The following IRAK3 variants were observed in gnomAD, a reference collection of about 807,000 sequenced individuals.
IRAK3 encodes the protein interleukin 1 receptor associated kinase 3.
A neutral mutation model predicts 56.6 loss-of-function variants in IRAK3; 57 were observed. That is an observed-to-expected ratio of 1.01 (90% confidence interval 0.81 to 1.26). IRAK3 has a LOEUF of 1.26. IRAK3 is among the 50% of genes most tolerant of loss of function. IRAK3 has a pLI of 0.00. For missense variants in IRAK3, 703 were observed against 719.0 expected, an observed-to-expected ratio of 0.98 and a Z score of 0.25; for synonymous variants, 258 against 255.7, an observed-to-expected ratio of 1.01 and a Z score of -0.09.
intron 8 of IRAK3, among the ~76,000 whole-genome samples, chr12:66,230,164 T>A (rs1203145824): frequency 1.3e-5 from 2 of 152,040 alleles, no homozygotes. Context: ...GCAAGGTGAT[T>A]TGGATGTGCC....
chr12:66,227,777 A>G (rs1408298667), intron 7 of IRAK3, among the ~76,000 whole-genome samples: 37 of 150,914 alleles, frequency 2.5e-4, no homozygotes, highest in African/African-American at 6.3e-4. Context: ...AAAAAAAAAA[A>G]AGAGAGAGAG....
At chr12:66,210,478 G>A (rs2052601035) in intron 4 of IRAK3, among the ~76,000 whole-genome samples, 1 of 152,084 alleles carries the variant, frequency 6.6e-6, no homozygotes, top group East Asian at 1.9e-4. Context: ...AATTTGCTAT[G>A]TTTGTGTGTC....
chr12:66,199,776 T>TA (rs35328827), intron 1 of IRAK3, among the ~76,000 whole-genome samples: 21,901 of 152,168 alleles, frequency 0.14, 2,352 homozygotes, highest in East Asian at 0.42. Context: ...AAAGTGTTTA[T>TA]AAAAAATGTG....
intron 1 of IRAK3, among the ~76,000 whole-genome samples, chr12:66,196,468 T>A (rs2052454327): frequency 6.6e-6 from 1 of 152,148 alleles, no homozygotes. Context: ...CACCTGGGAA[T>A]GAAATTACAT....
intron 2 of IRAK3, among the ~76,000 whole-genome samples, chr12:66,207,048 T>C (rs892448926): frequency 6.6e-6 from 1 of 152,246 alleles, no homozygotes; most frequent in African/African-American, 2.4e-5. Flanking sequence ...TCAGTATTGA[T>C]GTCCCCCCTT....
chr12:66,233,845 A>T (rs1318955492), intron 8 of IRAK3, among the ~76,000 whole-genome samples: 2 of 142,866 alleles, frequency 1.4e-5, no homozygotes, highest in African/African-American at 2.7e-5. Context: ...TGTTTTACTA[A>T]AATAAACCTG....
chr12:66,201,109 G>A (rs559485594), intron 1 of IRAK3, among the ~76,000 whole-genome samples: 4 of 152,158 alleles, frequency 2.6e-5, no homozygotes, highest in Admixed American at 1.3e-4. Flanking sequence ...GAGCCACCAC[G>A]CCTGGACCCA....
rs1182461119 is a variant in IRAK3, at chr12:66,252,863, C to G, written c.*4692C>G. ...TTGTGGCTGGCAATTGTGACAGATT[C>G]TATTCTTCTATTGGTATGTGGTTTC... On this transcript the variant is annotated 3_prime_UTR_variant, in exon 12 of 12. Transcript: ENST00000261233. 6.6e-6 allele frequency: 1 copy of G among 152,194 alleles called. No individual in the cohort carries two copies. Among genetic ancestry groups the G allele is most frequent in the African/African-American group, 2.4e-5 (1 of 41,410 alleles). The allele number at this position is 152,194 out of a possible 1,614,324, so 9.4% of individuals were successfully genotyped here.
rs993217262 is a variant in IRAK3, at chr12:66,211,495, T to C, written c.486T>C (p.Thr162=). Residue 162 remains threonine (T), a synonymous_variant, in exon 5 of 12, where the codon ACT becomes ACC. Coordinates refer to ENST00000261233, the MANE Select transcript of IRAK3 (RefSeq NM_007199.3). Reference sequence around the variant, plus strand: ...GCTTTCAAAATATCATAGAAGGAACTAGAAATTTCCACAAAGACTTCCTAA... The same window carrying C: ...GCTTTCAAAATATCATAGAAGGAACCAGAAATTTCCACAAAGACTTCCTAA... ...SISFQNIIEG[T]RNFHKDFLIG... 2.5e-6 allele frequency: 4 copies of C among 1,605,262 alleles called. No individual in the cohort carries two copies. Among genetic ancestry groups the C allele is most frequent in the Non-Finnish European group, 2.6e-6 (3 of 1,171,786 alleles).
intron 1 of IRAK3, among the ~76,000 whole-genome samples, chr12:66,191,040 T>C (rs1343001140): frequency 6.6e-6 from 1 of 152,172 alleles, no homozygotes; most frequent in Non-Finnish European, 1.5e-5. Context: ...AAAGCTATTT[T>C]TTTCAAAGCA....
intron 2 of IRAK3, among the ~76,000 whole-genome samples, chr12:66,205,541 G>A (rs928287241): frequency 3.9e-5 from 6 of 152,120 alleles, no homozygotes; most frequent in African/African-American, 1.4e-4. Flanking sequence ...ATGATTTGTT[G>A]GAAGCATAAG....
At chr12:66,226,189 T>A (rs1370818156) in intron 6 of IRAK3, among the ~76,000 whole-genome samples, 1 of 152,208 alleles carries the variant, frequency 6.6e-6, no homozygotes, top group East Asian at 1.9e-4. Flanking sequence ...GTTTTATTTA[T>A]ATTTACATGA....
At chr12:66,207,260 G>A (rs1039859859) in intron 2 of IRAK3, among the ~76,000 whole-genome samples, 2 of 152,120 alleles carry the variant, frequency 1.3e-5, no homozygotes, top group Non-Finnish European at 1.5e-5. Flanking sequence ...TGCCTGAGCT[G>A]AGGAGTTCGA....
At chr12:66,246,011 C>T (rs1044346436) in intron 11 of IRAK3, among the ~76,000 whole-genome samples, 3 of 152,062 alleles carry the variant, frequency 2.0e-5, no homozygotes, top group African/African-American at 7.2e-5. Flanking sequence ...TGACTACCCT[C>T]AAGCTCACTG....
intron 6 of IRAK3, among the ~76,000 whole-genome samples, chr12:66,220,439 T>A (rs1413794940): frequency 2.6e-5 from 4 of 151,780 alleles, no homozygotes; most frequent in African/African-American, 7.3e-5. Flanking sequence ...GCCGGTGCCA[T>A]ACTGTTTTTA....
At chr12:66,198,559 C>T (rs981920205) in intron 1 of IRAK3, among the ~76,000 whole-genome samples, 1 of 152,176 alleles carries the variant, frequency 6.6e-6, no homozygotes, top group African/African-American at 2.4e-5. Flanking sequence ...AAAGCATTTT[C>T]TCCCTTCAGT....
At chr12:66,234,716 T>A in intron 8 of IRAK3, 1 of 1,602,476 alleles carries the variant, frequency 6.2e-7, no homozygotes, top group Non-Finnish European at 8.5e-7. Flanking sequence ...AGCTTCACAT[T>A]TTTCTGTTGA....
intron 7 of IRAK3, among the ~76,000 whole-genome samples, 194 bp downstream of exon 7, chr12:66,227,031 C>T (rs1454580215): frequency 1.3e-5 from 2 of 152,138 alleles, no homozygotes; most frequent in East Asian, 1.9e-4. Flanking sequence ...CCTGAGTTAA[C>T]GTGTTCTGTG....
rs371088611 is a variant in IRAK3, at chr12:66,252,688, G to A, written c.*4517G>A. The stretch of plus-strand genomic sequence containing the variant: ...CTTATATGTAAGTGAATAAATCTCA[G>A]GGTGGTTCTCCTGTCATAGGTCCTG... On this transcript the variant is annotated 3_prime_UTR_variant, in exon 12 of 12. Coordinates refer to ENST00000261233, the MANE Select transcript of IRAK3 (RefSeq NM_007199.3). 1.3e-5 allele frequency: 2 copies of A among 152,210 alleles called. No homozygotes were observed. The highest frequency in any genetic ancestry group is 2.4e-5 in the African/African-American group (1 of 41,438). 9.4% of individuals were successfully genotyped at this position (152,210 alleles called of 1,614,324 possible).
Sources: gnomAD v4.1 joint callset for allele counts (sites outside exome capture counted in the v4.1 genomes callset) on GRCh38, gnomAD v4.1.1 for gene constraint, MANE v1.5 for transcripts, NCBI Gene and HGNC (gene_info 2026-07-23, HGNC 2026-07-21) for gene names.